The following CCDC171 variants were observed in gnomAD, a reference collection of about 807,000 sequenced individuals.
The protein encoded by CCDC171 is coiled-coil domain containing 171.
CCDC171 carries 177 observed loss-of-function variants against 168.2 expected under a neutral mutation model. The observed-to-expected ratio is 1.05, with a 90% CI of 0.93 to 1.19. The LOEUF (loss-of-function observed/expected upper bound fraction) is 1.19, where lower values mean the gene tolerates loss of function less well. CCDC171 is among the 50% of genes most tolerant of loss of function. The pLI, the probability that CCDC171 is intolerant of heterozygous loss-of-function variation, is 0.00. For missense variants in CCDC171, 1,991 were observed against 1,539.0 expected (o/e 1.29, Z -4.91); for synonymous variants, 687 against 540.8 (o/e 1.27, Z -3.75).
At chr9:15,553,722 C>T (rs2038531857) in intron 1 of CCDC171, 1 of 152,220 alleles carries the variant, frequency 6.6e-6, no homozygotes, top group Admixed American at 6.5e-5. Flanking sequence ...TTGTGCTAGA[C>T]TGTCACCTGC....
chr9:16,066,363 G>C (rs570588270), downstream of CCDC171, among the ~76,000 whole-genome samples: 3 of 152,110 alleles, frequency 2.0e-5, no homozygotes, highest in East Asian at 5.8e-4. Flanking sequence ...CAGAAGTATA[G>C]ATAAAGTGCA....
At chr9:15,583,085 C>G (rs955127088) in intron 4 of CCDC171, among the ~76,000 whole-genome samples, 18 of 152,192 alleles carry the variant, frequency 1.2e-4, no homozygotes, top group African/African-American at 4.1e-4. Flanking sequence ...AAATATCGAA[C>G]CAGCCTAGGA....
chr9:15,595,054 T>C (rs1334457866), intron 6 of CCDC171, among the ~76,000 whole-genome samples: 1 of 152,168 alleles, frequency 6.6e-6, no homozygotes, highest in East Asian at 1.9e-4. Flanking sequence ...ATGAAAAATA[T>C]CCACATATAA....
At chr9:15,568,798 T>C (rs2039965569) in intron 2 of CCDC171, among the ~76,000 whole-genome samples, 1 of 152,246 alleles carries the variant, frequency 6.6e-6, no homozygotes, top group Non-Finnish European at 1.5e-5. Context: ...TGCTGGATAT[T>C]AGACCTTTGT....
intron 6 of CCDC171, among the ~76,000 whole-genome samples, chr9:16,033,547 A>AAAACAAGC (rs1376408232): frequency 6.6e-6 from 1 of 152,212 alleles, no homozygotes; most frequent in African/African-American, 2.4e-5. Context: ...TAGTTGCAGG[A>AAAACAAGC]AAACAAGCTC....
intron 21 of CCDC171, among the ~76,000 whole-genome samples, chr9:15,833,841 A>G (rs2060334188): frequency 6.6e-6 from 1 of 152,198 alleles, no homozygotes; most frequent in South Asian, 2.1e-4. Flanking sequence ...TTTGCAGATG[A>G]GGAAACAAAG....
In CCDC171 at chr9:15,578,997, C is replaced by T. The variant is rs1341861337; in HGVS notation, c.326C>T (p.Ala109Val). Residue 109 changes from alanine (A) to valine (V), a missense_variant, in exon 4 of 26, where the codon GCA becomes GTA. Coordinates refer to ENST00000380701, the MANE Select transcript of CCDC171 (RefSeq NM_173550.4). ...GCTGCTGAAGAAAGATTAGCCGAGG[C>T]ACATAGGATCCAAGAAAAACTCTGT... Reference protein sequence around the residue: ...RRAAEERLAEAHRIQEKLCAQ... With the variant: ...RRAAEERLAEVHRIQEKLCAQ... 2 of 1,613,600 alleles carry T rather than the reference C, an allele frequency of 1.2e-6. No individual in the cohort carries two copies. The highest frequency in any genetic ancestry group is 1.3e-5 in the African/African-American group (1 of 74,870).
chr9:15,584,638 T>C (rs2041410485), intron 4 of CCDC171, among the ~76,000 whole-genome samples: 1 of 152,194 alleles, frequency 6.6e-6, no homozygotes, highest in South Asian at 2.1e-4. Flanking sequence ...CTAGATTTTA[T>C]ATCTTGCTTT....
At chr9:15,772,709 A>G (rs2057077303) in intron 18 of CCDC171, among the ~76,000 whole-genome samples, 1 of 152,246 alleles carries the variant, frequency 6.6e-6, no homozygotes, top group African/African-American at 2.4e-5. Flanking sequence ...ATTGAGGCAT[A>G]AAAGCAGGCA....
intron 1 of CCDC171, among the ~76,000 whole-genome samples, chr9:16,046,571 A>C (rs982804765): frequency 1.3e-5 from 2 of 151,932 alleles, no homozygotes; most frequent in Admixed American, 1.3e-4. Context: ...CTTGAATTGT[A>C]GCTCCCATAA....
At chr9:15,974,574 T>C (rs979910760), downstream of CCDC171, among the ~76,000 whole-genome samples, 4 of 152,214 alleles carry the variant, frequency 2.6e-5, no homozygotes, top group African/African-American at 9.7e-5. Context: ...TTCTTAAAGT[T>C]ATTGTTCTGA....
intron 21 of CCDC171, among the ~76,000 whole-genome samples, chr9:15,823,926 A>G (rs954184649): frequency 6.6e-6 from 1 of 152,102 alleles, no homozygotes; most frequent in African/African-American, 2.4e-5. Context: ...TAGAATAGAC[A>G]TTGGTAGACT....
chr9:15,737,128 AC>A (rs2054548568), intron 16 of CCDC171, among the ~76,000 whole-genome samples: 1 of 151,992 alleles, frequency 6.6e-6, no homozygotes, highest in African/African-American at 2.4e-5. Context: ...ATAAATTGCT[AC>A]TGTAGATAAG....
At chr9:15,899,766 A>C (rs2794634) in intron 24 of CCDC171, among the ~76,000 whole-genome samples, 59,064 of 151,918 alleles carry the variant, frequency 0.39, 11,692 homozygotes, top group Non-Finnish European at 0.42. Context: ...AGAAACTATC[A>C]GATGTGTGGT....
chr9:15,861,254 C>G (rs575127942), intron 23 of CCDC171, among the ~76,000 whole-genome samples: 42 of 150,202 alleles, frequency 2.8e-4, no homozygotes, highest in African/African-American at 9.8e-4. Context: ...CTCTGTGTCT[C>G]TTTATTGGAA....
intron 18 of CCDC171, among the ~76,000 whole-genome samples, chr9:15,759,768 A>G (rs1241720491): frequency 1.3e-5 from 2 of 152,228 alleles, no homozygotes; most frequent in Non-Finnish European, 2.9e-5. Context: ...ATTTTTAAAA[A>G]AGCTTTACTT....
intron 3 of CCDC171, among the ~76,000 whole-genome samples, chr9:16,006,109 A>G (rs1832688276): frequency 6.6e-6 from 1 of 151,964 alleles, no homozygotes. Flanking sequence ...TGATCTGCCC[A>G]TCTTGGCCCT....
At position 15,572,960 on chromosome 9, in the gene CCDC171, A is replaced by G. The variant is rs902811280; in HGVS notation, c.177+1201A>G. On this transcript the variant is annotated intron_variant, in intron 3 of 25. Transcript: ENST00000380701. ...GATCACTTGAAGTCAGGAGTTCGAG[A>G]TCAGCCTGGCCAACATGGTGAAACC... Among the ~76,000 whole-genome samples the G allele has an allele frequency of 5.9e-5, 9 of 152,298 alleles. No homozygotes were observed. The East Asian group carries it at 1.2e-3, about 20-fold the overall frequency.
intron 3 of CCDC171, among the ~76,000 whole-genome samples, chr9:16,003,142 A>G (rs901415226): frequency 6.6e-6 from 1 of 152,216 alleles, no homozygotes. Flanking sequence ...AGAAAAATCA[A>G]AAAGAAAACA....
Sources: allele counts gnomAD v4.1 joint callset (sites outside exome capture counted in the v4.1 genomes callset), GRCh38; gene constraint gnomAD v4.1.1; transcripts MANE v1.5; gene names NCBI Gene and HGNC (gene_info 2026-07-23, HGNC 2026-07-21).